The following PLXNB1 variants were observed in gnomAD, a reference collection of about 807,000 sequenced individuals.
PLXNB1 encodes the protein plexin B1, also known as plexin-B1.
In PLXNB1, 106 loss-of-function variants were observed where a neutral mutation model predicts 209.4. That is an observed-to-expected ratio of 0.51 (90% CI 0.43 to 0.59). The LOEUF (loss-of-function observed/expected upper bound fraction) is 0.59, where lower values mean the gene tolerates loss of function less well. Ranked by LOEUF, PLXNB1 falls within the 20% of genes least tolerant of loss-of-function variation. The probability of loss-of-function intolerance (pLI) is 0.00; values close to 1 mark genes in which losing one functional copy is unlikely to be tolerated. For missense variants in PLXNB1, 2,357 were observed against 2,853.2 expected (o/e 0.83, Z 3.96); for synonymous variants, 1,167 against 1,183.2 (o/e 0.99, Z 0.28).
intron 34 of PLXNB1, among the ~76,000 whole-genome samples, chr3:48,408,986 C>T (rs2037478244): frequency 6.6e-6 from 1 of 152,232 alleles, no homozygotes; most frequent in African/African-American, 2.4e-5. Context: ...GGTCTGGTCA[C>T]ATAACTTCCC....
At chr3:48,408,528 G>A (rs1341461653) in intron 34 of PLXNB1, among the ~76,000 whole-genome samples, 1 of 152,098 alleles carries the variant, frequency 6.6e-6, no homozygotes, top group African/African-American at 2.4e-5. Context: ...CCCAACCTCT[G>A]TGCTCCCGGA....
In PLXNB1 at chr3:48,419,897, C is replaced by A. The variant is rs780170775; in HGVS notation, c.2389G>T (p.Val797Leu). 1 of 1,564,714 alleles carries A rather than the reference C, an allele frequency of 6.4e-7. No homozygotes were observed. The highest frequency in any genetic ancestry group is 8.7e-7 in the Non-Finnish European group (1 of 1,152,918). Residue 797 changes from valine (V) to leucine (L), a missense_variant, in exon 11 of 38, where the codon GTA becomes TTA. Val to Leu is a conservative substitution (Grantham distance 32, BLOSUM62 1). This residue lies in a region of PLXNB1 where 410 missense variants were observed against 401.0 expected (regional missense o/e 1.02). Transcript: ENST00000296440. This position sits in a 1 kb window ranked among gnomAD's most constrained non-coding sequence, Gnocchi z 5.7. ...GGGTCTGCAGGGGGCACTGCTGCTA[C>A]CTCTGAGGGTGACAGCGGGGAGGCC... ...LLASPLSPSE[V>L]AAVPPADPGP...
chr3:48,423,687 G>C lies in PLXNB1; in HGVS notation c.925C>G (p.Pro309Ala). 1 of 1,613,800 alleles carries C rather than the reference G, an allele frequency of 6.2e-7. No individual in the cohort carries two copies. The highest frequency in any genetic ancestry group is 8.5e-7 in the Non-Finnish European group (1 of 1,179,896). The change falls in exon 3 of 38, where the codon CCA (proline) becomes GCA (alanine). Residue 309 changes from proline to alanine, a missense_variant. By Grantham distance (27) the Pro-to-Ala change is conservative. This residue lies in a region of PLXNB1 where 404 missense variants were observed against 443.6 expected (regional missense o/e 0.91). Coordinates refer to ENST00000296440, the MANE Select transcript of PLXNB1 (RefSeq NM_001130082.3). The part of the protein sequence containing the change: ...SAAPPTVGRP[P>A]SAAAGASGAS... The stretch of plus-strand genomic sequence containing the variant: ...CCAGATGCCCCAGCAGCCGCCGATG[G>C]GGGCCGGCCCACAGTGGGGGGTGCA...
rs779494589 is a variant in PLXNB1, at chr3:48,424,462, C to T, written c.150G>A (p.Gly50=). Residue 50 remains glycine (G), a synonymous_variant, in exon 3 of 38, where the codon GGG becomes GGA. Transcript: ENST00000296440. ...TCAGCTGGAACAGGAAGTTGGTAGC[C>T]CCCAGGTAGAGGGTGCCTGAGGTGG... The part of the protein sequence containing the change: ...RDPTSGTLYL[G]ATNFLFQLSP... 120 of 1,597,424 alleles carry T rather than the reference C, an allele frequency of 7.5e-5. No individual in the cohort carries two copies. The highest frequency in any genetic ancestry group is 6.6e-4 in the Middle Eastern group (4 of 6,064).
In PLXNB1 at chr3:48,424,467, G is replaced by C; in HGVS notation, c.145C>G (p.Leu49Val). The change falls in exon 3 of 38, where the codon CTG becomes GTG. Residue 49 changes from leucine (L) to valine (V), a missense_variant. Leu to Val is a conservative substitution (Grantham distance 32). This residue lies in a region of PLXNB1 where 107 missense variants were observed against 167.2 expected (regional missense o/e 0.64). Coordinates refer to ENST00000296440, the MANE Select transcript of PLXNB1 (RefSeq NM_001130082.3). ...TGGAACAGGAAGTTGGTAGCCCCCAGGTAGAGGGTGCCTGAGGTGGGGTCC... is the reference window on the plus strand; with the variant it reads ...TGGAACAGGAAGTTGGTAGCCCCCACGTAGAGGGTGCCTGAGGTGGGGTCC... ...ARDPTSGTLY[L>V]GATNFLFQLS... 3.1e-6 allele frequency: 5 copies of C among 1,599,634 alleles called. No individual in the cohort carries two copies. Among genetic ancestry groups the C allele is most frequent in the Non-Finnish European group, 3.4e-6 (4 of 1,173,136 alleles).
chr3:48,412,662 A>T (rs1299169899), intron 25 of PLXNB1, 42 bp from the exon 26 acceptor site: 10 of 1,606,092 alleles, frequency 6.2e-6, no homozygotes, highest in Non-Finnish European at 8.5e-6. Context: ...GTTTAGGGGG[A>T]CAGAGGGGCG....
chr3:48,419,876 C>T lies in PLXNB1; in HGVS notation c.2410G>A (p.Asp804Asn). 6.4e-7 allele frequency: 1 copy of T among 1,565,764 alleles called. No individual in the cohort carries two copies. The highest frequency in any genetic ancestry group is 8.7e-7 in the Non-Finnish European group (1 of 1,153,996). The change falls in exon 11 of 38, where the codon GAC becomes AAC. Residue 804 changes from aspartate to asparagine, a missense_variant. Transcript: ENST00000296440. The surrounding 1 kb of genome is among the most constrained non-coding windows in gnomAD (Gnocchi z 5.7). ...PSEVAAVPPA[D>N]PGPEALHPTV... ...GGATGAAGAGCCTCGGGGCCAGGGT[C>T]TGCAGGGGGCACTGCTGCTACCTCT...
In PLXNB1 at chr3:48,410,258, C is replaced by T. The variant is rs747825661; in HGVS notation, c.5605+38G>A. On this transcript the variant is annotated intron_variant, in intron 31 of 37. Coordinates refer to ENST00000296440, the MANE Select transcript of PLXNB1 (RefSeq NM_001130082.3). This position sits in a 1 kb window ranked among gnomAD's most constrained non-coding sequence, Gnocchi z 6.4. ...CTTCCCCATGACTCCGGGCTGGGCA[C>T]AGCAGGGGCAGAGGACCGTGATGGG... The T allele has an allele frequency of 5.8e-6, 9 of 1,547,756 alleles. No homozygotes were observed. The highest frequency in any genetic ancestry group is 2.3e-5 in the East Asian group (1 of 44,208).
chr3:48,412,804 T>A lies in PLXNB1; in HGVS notation c.4792A>T (p.Thr1598Ser). The change falls in exon 25 of 38, where the codon ACT becomes TCT. Residue 1598 changes from threonine to serine, a missense_variant. Physicochemically the swap from Thr to Ser is moderately conservative, Grantham distance 58 (BLOSUM62 1). Coordinates refer to ENST00000296440, the MANE Select transcript of PLXNB1 (RefSeq NM_001130082.3). Reference protein sequence around the residue: ...DLGVPESRRPTVEQGLGQLSN... With the variant: ...DLGVPESRRPSVEQGLGQLSN... ...AGCTGCCCCAGCCCTTGCTCCACAG[T>A]GGGCCGTCTGCTCTCAGGCACACCC... 1 of 1,613,604 alleles carries A rather than the reference T, an allele frequency of 6.2e-7. No individual in the cohort carries two copies. The highest frequency in any genetic ancestry group is 8.5e-7 in the Non-Finnish European group (1 of 1,180,006).
Position 48,403,883 on chromosome 3 carries a change from G to C in PLXNB1, c.*603C>G, listed in dbSNP as rs985351225. On this transcript the variant is annotated 3_prime_UTR_variant, in exon 38 of 38. Transcript: ENST00000296440. ...GTGTGTTATCCTTTAATGAAAAGCTGGGTCAATGGAGTCACCACTCTCCCC... is the reference window on the plus strand; with the variant it reads ...GTGTGTTATCCTTTAATGAAAAGCTCGGTCAATGGAGTCACCACTCTCCCC... 6.5e-6 allele frequency: 1 copy of C among 152,948 alleles called. No homozygotes were observed. Among genetic ancestry groups the C allele is most frequent in the Non-Finnish European group, 1.5e-5 (1 of 68,300 alleles). 9.5% of individuals were successfully genotyped at this position (152,948 alleles called of 1,614,324 possible). A position where few individuals can be genotyped will look rare whatever the true frequency, so the allele number is the denominator to read the frequency against.
In PLXNB1 at chr3:48,412,958, G is replaced by A. The variant is rs779805563; in HGVS notation, c.4638C>T (p.Asp1546=). Residue 1546 remains aspartate (D), a splice_region_variant and synonymous_variant, in exon 25 of 38, where the codon GAC becomes GAT. Transcript: ENST00000296440. ...TGAGATCGGTCATCTCAGTCATGAG[G>A]TCTGTTAAGCAGAAGAGGCCAGGTT... ...VRDRCKKEFT[D]LMTEMTDLTS... 5 of 1,613,876 alleles carry A rather than the reference G, an allele frequency of 3.1e-6. No homozygotes were observed. The highest frequency in any genetic ancestry group is 1.3e-5 in the African/African-American group (1 of 74,932).
In PLXNB1 at chr3:48,416,135, G is replaced by T; in HGVS notation, c.3513C>A (p.Arg1171=). ...GACGGGTGCCCCCAGCTCTGGGGCC[G>T]CGGGCCGGGAAGATGGAATGGACCT... is the stretch of plus-strand genomic sequence containing the variant. ...DPKVHSIFPA[R]GPRAGGTRLT... is the part of the protein sequence containing the mutation. Residue 1171 remains arginine, a synonymous_variant, in exon 18 of 38, where the codon CGC becomes CGA. Coordinates refer to ENST00000296440, the MANE Select transcript of PLXNB1 (RefSeq NM_001130082.3). The surrounding 1 kb of genome is among the most constrained non-coding windows in gnomAD (Gnocchi z 4.1). The T allele has an allele frequency of 6.3e-7, 1 of 1,597,976 alleles. No individual in the cohort carries two copies. Among genetic ancestry groups the T allele is most frequent in the Non-Finnish European group, 8.5e-7 (1 of 1,172,562 alleles).
In PLXNB1 at chr3:48,413,398, C is replaced by T. The variant is rs1200889404; in HGVS notation, c.4536-229G>A. 2 of 604,406 alleles carry T rather than the reference C, an allele frequency of 3.3e-6. No individual in the cohort carries two copies. Among genetic ancestry groups the T allele is most frequent in the African/African-American group, 3.7e-5 (2 of 53,942 alleles). 37.4% of individuals were successfully genotyped at this position (604,406 alleles called of 1,614,324 possible). On this transcript the variant is annotated intron_variant, in intron 23 of 37. Transcript: ENST00000296440. This position sits in a 1 kb window ranked among gnomAD's most constrained non-coding sequence, Gnocchi z 5.4. ...GTTTAGCCTAGAGATCAGCCAACCACAACCAGGCCAAATCCATCCCACAAC... is the reference window on the plus strand; with the variant it reads ...GTTTAGCCTAGAGATCAGCCAACCATAACCAGGCCAAATCCATCCCACAAC...
intron 1 of PLXNB1, 86 bp from the exon 2 acceptor site, chr3:48,425,419 C>T (rs528155722): frequency 3.3e-5 from 5 of 152,320 alleles, no homozygotes; most frequent in Admixed American, 2.6e-4. Flanking sequence ...GGAGGCAGCA[C>T]AGAAGCACCC....
Position 48,420,230 on chromosome 3 carries a change from C to T in PLXNB1, c.2056G>A (p.Ala686Thr), listed in dbSNP as rs764040440. The T allele has an allele frequency of 1.9e-5, 30 of 1,550,602 alleles. No homozygotes were observed. The highest frequency in any genetic ancestry group is 9.8e-5 in the Admixed American group (5 of 51,162). The change falls in exon 11 of 38, where the codon GCA becomes ACA. Residue 686 changes from alanine (A) to threonine (T), a missense_variant. This residue lies in a region of PLXNB1 where 214 missense variants were observed against 297.1 expected (regional missense o/e 0.72). Coordinates refer to ENST00000296440, the MANE Select transcript of PLXNB1 (RefSeq NM_001130082.3). Reference sequence around the variant, plus strand: ...GGGGAGGGGCTGGGTCCACCTCTTGCAGGAGGGTCTGGGGAGACAAGCGGG... The same window carrying T: ...GGGGAGGGGCTGGGTCCACCTCTTGTAGGAGGGTCTGGGGAGACAAGCGGG... ...QSPLVSPDPP[A>T]RGGPSPSPPT...
At position 48,413,896 on chromosome 3, in the gene PLXNB1, G is replaced by C; in HGVS notation, c.4385C>G (p.Thr1462Arg). The C allele has an allele frequency of 6.2e-7, 1 of 1,607,764 alleles. No individual in the cohort carries two copies. The highest frequency in any genetic ancestry group is 8.5e-7 in the Non-Finnish European group (1 of 1,175,934). The change falls in exon 22 of 38, where the codon ACG becomes AGG. Residue 1462 changes from threonine (T) to arginine (R), a missense_variant and splice_region_variant. By Grantham distance (71) the Thr-to-Arg change is moderately conservative. Around this residue, in one of 7 missense-constraint regions of PLXNB1, gnomAD observed 743 missense variants for 896.2 expected, o/e 0.83. Transcript: ENST00000296440. The surrounding 1 kb of genome is among the most constrained non-coding windows in gnomAD (Gnocchi z 5.4). ...CCGGCCAGGGACCTGCCCACTGACC[G>C]TGAACTCAGGCAAAGAGTCAGGTGC... is the stretch of plus-strand genomic sequence containing the variant. ...REAPDSLPEF[T>R]VQMGNLRFSL...
Position 48,410,850 on chromosome 3 carries a change from G to A in PLXNB1, c.5416+18C>T. On this transcript the variant is annotated intron_variant, in intron 29 of 37. Transcript: ENST00000296440. The surrounding 1 kb of genome is among the most constrained non-coding windows in gnomAD (Gnocchi z 6.4). ...CCCAACAGTGGCTCAGGTCCCCAGGGGCTCTCCACGCCCTCACCAACATCA... is the reference window on the plus strand; with the variant it reads ...CCCAACAGTGGCTCAGGTCCCCAGGAGCTCTCCACGCCCTCACCAACATCA... 6.2e-7 allele frequency: 1 copy of A among 1,600,330 alleles called. No individual in the cohort carries two copies. Among genetic ancestry groups the A allele is most frequent in the Non-Finnish European group, 8.5e-7 (1 of 1,173,502 alleles).
chr3:48,428,973 T>C (rs1268329836), intron 1 of PLXNB1, among the ~76,000 whole-genome samples: 1 of 151,930 alleles, frequency 6.6e-6, no homozygotes, highest in Non-Finnish European at 1.5e-5. Flanking sequence ...GAGGACCCCA[T>C]CACTGGCCCT....
At position 48,418,079 on chromosome 3, in the gene PLXNB1, A is replaced by G; in HGVS notation, c.3223-17T>C. On this transcript the variant is annotated splice_polypyrimidine_tract_variant and intron_variant, in intron 15 of 37. Transcript: ENST00000296440. This position sits in a 1 kb window ranked among gnomAD's most constrained non-coding sequence, Gnocchi z 6.6. Reference sequence around the variant, plus strand: ...TGGCTCCACCTGTTCCAGGACAAGGACTGCTCACCTCTACTCAACTGGAAA... The same window carrying G: ...TGGCTCCACCTGTTCCAGGACAAGGGCTGCTCACCTCTACTCAACTGGAAA... 2 of 1,610,886 alleles carry G rather than the reference A, an allele frequency of 1.2e-6. No homozygotes were observed. Among genetic ancestry groups the G allele is most frequent in the Non-Finnish European group, 1.7e-6 (2 of 1,178,332 alleles).
Sources: gnomAD v4.1 joint callset for allele counts (sites outside exome capture counted in the v4.1 genomes callset) on GRCh38, gnomAD v4.1.1 for gene constraint, gnomAD v4.1.1 regional missense constraint, Gnocchi (gnomAD v3.1) non-coding constraint, MANE v1.5 for transcripts, NCBI Gene and HGNC (gene_info 2026-07-23, HGNC 2026-07-21) for gene names.